Variants in PAWR observed in about 807,000 individuals in gnomAD.
PAWR encodes the protein pro-apoptotic WT1 regulator, also known as PRKC apoptosis WT1 regulator protein.
A neutral mutation model predicts 32.0 loss-of-function variants in PAWR; 23 were observed. The observed-to-expected ratio is 0.72, with a 90% confidence interval of 0.52 to 1.02. The LOEUF is 1.02. Ranked by LOEUF, PAWR falls within the 50% of genes least tolerant of loss-of-function variation. PAWR has a pLI of 0.00. For missense variants in PAWR, 457 were observed against 437.7 expected (o/e 1.04, Z -0.39); for synonymous variants, 226 against 187.1 (o/e 1.21, Z -1.70).
chr12:79,680,610 G>C (rs187883231), intron 2 of PAWR, among the ~76,000 whole-genome samples: 4 of 152,058 alleles, frequency 2.6e-5, no homozygotes, highest in African/African-American at 7.2e-5. Flanking sequence ...TGCATACCAT[G>C]ATGAGTTTCA....
At chr12:79,601,520 T>C (rs1873962398) in intron 4 of PAWR, among the ~76,000 whole-genome samples, 1 of 152,136 alleles carries the variant, frequency 6.6e-6, no homozygotes, top group South Asian at 2.1e-4. Flanking sequence ...AGCTATTTTA[T>C]GGAAGAATTT....
At chr12:79,667,791 G>T (rs1381751909) in intron 2 of PAWR, among the ~76,000 whole-genome samples, 1 of 151,800 alleles carries the variant, frequency 6.6e-6, no homozygotes, top group Non-Finnish European at 1.5e-5. Flanking sequence ...AAAATTGGAG[G>T]AAATCAATAA....
Position 79,619,929 on chromosome 12 carries a change from A to C in PAWR, c.648+1147T>G, listed in dbSNP as rs141551724. On this transcript the variant is annotated intron_variant, in intron 3 of 6. Transcript: ENST00000328827. ...GATCAATAAGGAAATCCCCATGAAA[A>C]CAGTCTTTACAGGTACAGTGGCAGA... Among the ~76,000 whole-genome samples, 606 of 152,332 alleles carry C rather than the reference A, an allele frequency of 4.0e-3. 4 individuals are homozygous for C. Among genetic ancestry groups the C allele is most frequent in the African/African-American group, 0.014 (584 of 41,572 alleles).
At chr12:79,662,257 G>A (rs573109571) in intron 2 of PAWR, among the ~76,000 whole-genome samples, 36 of 148,520 alleles carry the variant, frequency 2.4e-4, no homozygotes, top group African/African-American at 7.7e-4. Context: ...AGAACTTTCA[G>A]GACAGGAAAC....
At chr12:79,671,325 C>T (rs1437146349) in intron 2 of PAWR, among the ~76,000 whole-genome samples, 1 of 152,168 alleles carries the variant, frequency 6.6e-6, no homozygotes, top group Non-Finnish European at 1.5e-5. Context: ...TAAATCCCTT[C>T]ACTAGGAGAA....
chr12:79,632,308 C>CATATATAT (rs1566010872), intron 2 of PAWR: 5 of 25,166 alleles, frequency 2.0e-4, no homozygotes, highest in African/African-American at 1.2e-3. Flanking sequence ...TATATATATA[C>CATATATAT]ATACATATAT....
chr12:79,596,789 A>G (rs1268287413), intron 4 of PAWR, 131 bp from the exon 5 acceptor site: 3 of 547,298 alleles, frequency 5.5e-6, no homozygotes, highest in Admixed American at 7.5e-5. Flanking sequence ...CTTATTTGTA[A>G]CTGTAGAAGT....
intron 2 of PAWR, among the ~76,000 whole-genome samples, chr12:79,669,206 A>G (rs1006105319): frequency 6.6e-6 from 1 of 152,248 alleles, no homozygotes; most frequent in African/African-American, 2.4e-5. Context: ...GATTAGGGAT[A>G]TAAGACCAAC....
chr12:79,677,917 G>A (rs1210501877), intron 2 of PAWR, among the ~76,000 whole-genome samples: 1 of 152,126 alleles, frequency 6.6e-6, no homozygotes, highest in Non-Finnish European at 1.5e-5. Flanking sequence ...ACTTCTCCAT[G>A]ATTACACTAG....
intron 2 of PAWR, among the ~76,000 whole-genome samples, chr12:79,648,886 G>A (rs1266922038): frequency 6.6e-6 from 1 of 151,958 alleles, no homozygotes; most frequent in African/African-American, 2.4e-5. Flanking sequence ...ATCATAAAAA[G>A]TAGTAATTTT....
At chr12:79,599,399 G>A (rs1873878494) in intron 4 of PAWR, among the ~76,000 whole-genome samples, 1 of 152,194 alleles carries the variant, frequency 6.6e-6, no homozygotes. Context: ...AGCTGGCAAA[G>A]CAAGACTTTC....
intron 2 of PAWR, among the ~76,000 whole-genome samples, chr12:79,643,760 A>G: frequency 6.6e-6 from 1 of 152,178 alleles, no homozygotes; most frequent in East Asian, 1.9e-4. Flanking sequence ...AGTAAGCTAC[A>G]GCTATGTGAA....
chr12:79,594,196 CT>C (rs1873662538), intron 6 of PAWR, 132 bp downstream of exon 6: 2 of 534,470 alleles, frequency 3.7e-6, no homozygotes, highest in South Asian at 5.4e-5. Flanking sequence ...AAAATGATAC[CT>C]CTTACTAATT....
chr12:79,674,597 A>C (rs571351006), intron 2 of PAWR, among the ~76,000 whole-genome samples: 30 of 152,286 alleles, frequency 2.0e-4, no homozygotes, highest in Admixed American at 1.6e-3. Context: ...AGCAAAATAA[A>C]CTATCAACAG....
intron 3 of PAWR, among the ~76,000 whole-genome samples, chr12:79,616,638 A>T (rs1874749947): frequency 6.6e-6 from 1 of 152,224 alleles, no homozygotes; most frequent in African/African-American, 2.4e-5. Context: ...AAAAGTCAGT[A>T]TCAGACAAGT....
intron 3 of PAWR, among the ~76,000 whole-genome samples, 164 bp from the exon 4 acceptor site, chr12:79,613,773 T>C (rs1490483689): frequency 6.6e-6 from 1 of 150,962 alleles, no homozygotes; most frequent in Non-Finnish European, 1.5e-5. Flanking sequence ...GGAGTCTACA[T>C]CTGATTTTTC....
intron 4 of PAWR, among the ~76,000 whole-genome samples, chr12:79,611,156 TTATATAAATCTTATAGATATTTA>T (rs1230240689): frequency 3.1e-4 from 45 of 146,850 alleles, no homozygotes; most frequent in Admixed American, 4.8e-4. Flanking sequence ...ATATATATAT[TTATATAAATCTTATAGATATTTA>T]TATATAAATC....
intron 2 of PAWR, among the ~76,000 whole-genome samples, chr12:79,661,248 C>CA (rs397967995): frequency 0.3 from 21,284 of 70,574 alleles, 4,108 homozygotes; most frequent in African/African-American, 0.56. Flanking sequence ...GACTCTGTCT[C>CA]AAAAAAAAAA....
In PAWR at chr12:79,689,969, C is replaced by G. The variant is rs952747497; in HGVS notation, c.276G>C (p.Ala92=). The G allele has an allele frequency of 1.5e-6, 2 of 1,367,372 alleles. No individual in the cohort carries two copies. The highest frequency in any genetic ancestry group is 1.9e-6 in the Non-Finnish European group (2 of 1,067,704). The allele number at this position is 1,367,372 out of a possible 1,614,324, so 84.7% of individuals were successfully genotyped here. A position where few individuals can be genotyped will look rare whatever the true frequency, so the allele number is the denominator to read the frequency against. The change falls in exon 2 of 7, where the codon GCG becomes GCC. Residue 92 remains alanine, a synonymous_variant. Transcript: ENST00000328827. ...AVPGPGGVNC[A]VGSAMLTRAA... ...CCCGCGTCAGCATGGCGGAGCCGAC[C>G]GCGCAGTTCACGCCCCCGGGACCGG...
Sources: allele counts gnomAD v4.1 joint callset (sites outside exome capture counted in the v4.1 genomes callset), GRCh38; gene constraint gnomAD v4.1.1; transcripts MANE v1.5; gene names NCBI Gene and HGNC (gene_info 2026-07-23, HGNC 2026-07-21).